LIMD2: variants seen among roughly 807,000 people sequenced by gnomAD.
LIMD2 encodes LIM domain-containing protein 2.
Under a neutral mutation model 16.0 loss-of-function variants are expected in LIMD2, and 11 were observed. That is an observed-to-expected ratio of 0.69 (90% CI 0.43 to 1.14). The LOEUF (loss-of-function observed/expected upper bound fraction) is 1.14, where lower values mean the gene tolerates loss of function less well. Ranked by LOEUF, LIMD2 falls within the 50% of genes most tolerant of loss-of-function variation. The probability of loss-of-function intolerance (pLI) is 0.00; values close to 1 mark genes in which losing one functional copy is unlikely to be tolerated. For synonymous variants in LIMD2, 60 were observed against 67.1 expected (o/e 0.89, Z 0.52); for missense variants, 168 against 165.8 (o/e 1.01, Z -0.07).
At chr17:63,699,476 T>A in intron 1 of LIMD2, 128 bp from the exon 2 acceptor site, 1 of 882,846 alleles carries the variant, frequency 1.1e-6, no homozygotes, top group Non-Finnish European at 1.6e-6. Context: ...CTGTTGCTCT[T>A]GGTCTTGCCA....
chr17:63,699,375 C>T (rs1426383766), intron 1 of LIMD2, 27 bp from the exon 2 acceptor site: 11 of 1,514,128 alleles, frequency 7.3e-6, no homozygotes, highest in Non-Finnish European at 8.8e-6. Flanking sequence ...GTCGGGAGGG[C>T]CCCGCCAGCC....
At position 63,695,922 on chromosome 17, in the gene LIMD2, T is replaced by C. The variant is rs1458231574; in HGVS notation, c.*2630A>G. 1 of 152,516 alleles carries C rather than the reference T, an allele frequency of 6.6e-6. No individual in the cohort carries two copies. Among genetic ancestry groups the C allele is most frequent in the Non-Finnish European group, 1.5e-5 (1 of 68,002 alleles). The allele number at this position is 152,516 out of a possible 1,614,324, so 9.4% of individuals were successfully genotyped here. ...AAGTTGTTGCTTAATTTATTGTTTT[T>C]TAATAACTAATCCAGATAAAAAGTT... On this transcript the variant is annotated 3_prime_UTR_variant, in exon 5 of 5. Transcript: ENST00000259006. The surrounding 1 kb of genome is among the most constrained non-coding windows in gnomAD (Gnocchi z 4.1).
rs969802608 is a variant in LIMD2, at chr17:63,696,419, A to C, written c.*2133T>G. ...AGCCTGGGCCTTTCAAGCAGAAGAGAACTTGACTCCAAGTAGAGGGGTCCT... is the reference window on the plus strand; with the variant it reads ...AGCCTGGGCCTTTCAAGCAGAAGAGCACTTGACTCCAAGTAGAGGGGTCCT... On this transcript the variant is annotated 3_prime_UTR_variant, in exon 5 of 5. Coordinates refer to ENST00000259006, the MANE Select transcript of LIMD2 (RefSeq NM_030576.4). 1 of 152,006 alleles carries C rather than the reference A, an allele frequency of 6.6e-6. No individual in the cohort carries two copies. Among genetic ancestry groups the C allele is most frequent in the Non-Finnish European group, 1.5e-5 (1 of 67,960 alleles). The allele number at this position is 152,006 out of a possible 1,614,324, so 9.4% of individuals were successfully genotyped here. A position where few individuals can be genotyped will look rare whatever the true frequency, so the allele number is the denominator to read the frequency against.
chr17:63,700,355 C>T (rs2035767503), upstream of LIMD2: 2 of 193,608 alleles, frequency 1.0e-5, no homozygotes, highest in Non-Finnish European at 1.9e-5. This position sits in a 1 kb window ranked among gnomAD's most constrained non-coding sequence, Gnocchi z 7.1. Flanking sequence ...CTCGCGCTCG[C>T]AGGCCTCGGG....
In LIMD2 at chr17:63,698,831, G is replaced by GC; in HGVS notation, c.191dup (p.Cys64TrpfsTer34). The GC allele has an allele frequency of 1.2e-6, 2 of 1,612,624 alleles. No homozygotes were observed. The highest frequency in any genetic ancestry group is 1.7e-6 in the Non-Finnish European group (2 of 1,179,870). ...TGGTGTGACAGTGCTTGCAGCAGAA[G>GC]CAAGAGTTGTGGAAAATGAGCTTGT... On this transcript the variant is annotated frameshift_variant, in exon 4 of 5. Coordinates refer to ENST00000259006, the MANE Select transcript of LIMD2 (RefSeq NM_030576.4). LOFTEE classifies it high-confidence loss of function.
At position 63,698,496 on chromosome 17, in the gene LIMD2, C is replaced by T. The variant is rs1289975644; in HGVS notation, c.*56G>A. 3.2e-5 allele frequency: 50 copies of T among 1,584,568 alleles called. No homozygotes were observed. The highest frequency in any genetic ancestry group is 4.2e-5 in the Non-Finnish European group (49 of 1,165,940). ...CAAGCCCAGCTCGACCTCCTTCCCA[C>T]CTTCCCCCTGCCGGCTCCAGGCCTT... On this transcript the variant is annotated 3_prime_UTR_variant, in exon 5 of 5. Transcript: ENST00000259006.
In LIMD2 at chr17:63,699,398, G is replaced by A. The variant is rs1419937361; in HGVS notation, c.-50-50C>T. The A allele has an allele frequency of 1.3e-5, 19 of 1,488,552 alleles. No homozygotes were observed. The East Asian group carries it at 3.3e-4, about 26-fold the overall frequency. 92.2% of individuals were successfully genotyped at this position (1,488,552 alleles called of 1,614,324 possible). A position where few individuals can be genotyped will look rare whatever the true frequency, so the allele number is the denominator to read the frequency against. ...GGCCCCGCCAGCCCGGCCCCAGCCT[G>A]CAGGGTGGGGGGTGTTGACAGGCAG... On this transcript the variant is annotated intron_variant, in intron 1 of 4. Transcript: ENST00000259006.
At chr17:63,699,806 G>GGCCC in intron 1 of LIMD2, 1 of 889,528 alleles carries the variant, frequency 1.1e-6, no homozygotes, top group African/African-American at 1.8e-5. Context: ...CCCCGACCTG[G>GGCCC]CCCCGCGAGG....
intron 1 of LIMD2, 113 bp from the exon 2 acceptor site, chr17:63,699,461 A>C: frequency 1.0e-6 from 1 of 1,003,942 alleles, no homozygotes; most frequent in Non-Finnish European, 1.4e-6. Context: ...TCCCTAAGTC[A>C]TTTCCTGTTG....
rs368744043 is a variant in LIMD2 at position 63,698,648 on chromosome 17, A to G, written c.288T>C (p.Phe96=). Residue 96 remains phenylalanine, a synonymous_variant, in exon 5 of 5, where the codon TTT becomes TTC. Transcript: ENST00000259006. The stretch of plus-strand genomic sequence containing the variant: ...CCTCGTCGTAGTTGCCTTTGCTCTT[A>G]AACAGCTGCTGGAAGTGGGGTTTGC... ...FYCKPHFQQL[F]KSKGNYDEGF... 1.9e-6 allele frequency: 3 copies of G among 1,613,724 alleles called. No individual in the cohort carries two copies. The highest frequency in any genetic ancestry group is 2.7e-5 in the African/African-American group (2 of 74,920).
chr17:63,700,864 C>G (rs1306753411), upstream of LIMD2: 1 of 152,174 alleles, frequency 6.6e-6, no homozygotes, highest in South Asian at 2.1e-4. This position sits in a 1 kb window ranked among gnomAD's most constrained non-coding sequence, Gnocchi z 7.1. Context: ...CTGCGACGGG[C>G]TGGGGAGGCC....
In LIMD2 at chr17:63,696,250, C is replaced by G. The variant is rs2035690439; in HGVS notation, c.*2302G>C. ...TGACTATATCTTGACCGAGGGCTTGCAGTGCAAAGCCAGGCCAGTGTTGCG... is the reference window on the plus strand; with the variant it reads ...TGACTATATCTTGACCGAGGGCTTGGAGTGCAAAGCCAGGCCAGTGTTGCG... On this transcript the variant is annotated 3_prime_UTR_variant, in exon 5 of 5. Coordinates refer to ENST00000259006, the MANE Select transcript of LIMD2 (RefSeq NM_030576.4). The G allele has an allele frequency of 1.3e-5, 2 of 152,746 alleles. No homozygotes were observed. Among genetic ancestry groups the G allele is most frequent in the East Asian group, 3.9e-4 (2 of 5,176 alleles). 9.5% of individuals were successfully genotyped at this position (152,746 alleles called of 1,614,324 possible). A position where few individuals can be genotyped will look rare whatever the true frequency, so the allele number is the denominator to read the frequency against.
intron 1 of LIMD2, chr17:63,699,815 G>C (rs966729181): frequency 1.1e-6 from 1 of 909,104 alleles, no homozygotes. Context: ...GGCCCCGCGA[G>C]GACCGGACCC....
rs1291483296 is a variant in LIMD2, at chr17:63,698,370, C to G, written c.*182G>C. The stretch of plus-strand genomic sequence containing the variant: ...CCAATCCTGGTTTCCAAACCCTCAC[C>G]GGCTGCGGGAGAAGGAAGAAGGAAG... On this transcript the variant is annotated 3_prime_UTR_variant, in exon 5 of 5. Transcript: ENST00000259006. 9 of 734,288 alleles carry G rather than the reference C, an allele frequency of 1.2e-5. No individual in the cohort carries two copies. The highest frequency in any genetic ancestry group is 2.0e-5 in the Non-Finnish European group (9 of 460,484). 45.5% of individuals were successfully genotyped at this position (734,288 alleles called of 1,614,324 possible).
Position 63,698,339 on chromosome 17 carries a change from C to T in LIMD2, c.*213G>A. On this transcript the variant is annotated 3_prime_UTR_variant, in exon 5 of 5. Transcript: ENST00000259006. ...ACGAAGCAGGAAGCAGGGTGGTGGG[C>T]AGACCCCAATCCTGGTTTCCAAACC... 3.2e-6 allele frequency: 2 copies of T among 630,766 alleles called. No homozygotes were observed. The highest frequency in any genetic ancestry group is 5.4e-6 in the Non-Finnish European group (2 of 369,014). The allele number at this position is 630,766 out of a possible 1,614,324, so 39.1% of individuals were successfully genotyped here.
In LIMD2 at chr17:63,698,342, A is replaced by AC; in HGVS notation, c.*209dup. On this transcript the variant is annotated 3_prime_UTR_variant, in exon 5 of 5. Coordinates refer to ENST00000259006, the MANE Select transcript of LIMD2 (RefSeq NM_030576.4). ...AAGCAGGAAGCAGGGTGGTGGGCAGACCCCAATCCTGGTTTCCAAACCCTC... is the reference window on the plus strand; with the variant it reads ...AAGCAGGAAGCAGGGTGGTGGGCAGACCCCCAATCCTGGTTTCCAAACCCTC... 1.6e-6 allele frequency: 1 copy of AC among 632,352 alleles called. No individual in the cohort carries two copies. The highest frequency in any genetic ancestry group is 2.7e-6 in the Non-Finnish European group (1 of 370,414). 39.2% of individuals were successfully genotyped at this position (632,352 alleles called of 1,614,324 possible). A position where few individuals can be genotyped will look rare whatever the true frequency, so the allele number is the denominator to read the frequency against.
At chr17:63,700,202 TC>T, upstream of LIMD2, 1 of 936,432 alleles carries the variant, frequency 1.1e-6, no homozygotes, top group Non-Finnish European at 1.3e-6. The surrounding 1 kb of genome is among the most constrained non-coding windows in gnomAD (Gnocchi z 7.1). Context: ...GCCCATTGGC[TC>T]CGCCGCGCCC....
Position 63,698,944 on chromosome 17 carries a change from C to T in LIMD2, c.85-6G>A. 5.0e-6 allele frequency: 8 copies of T among 1,612,656 alleles called. No homozygotes were observed. Among genetic ancestry groups the T allele is most frequent in the Non-Finnish European group, 5.9e-6 (7 of 1,179,838 alleles). ...TGGGCCCGCAGGCTGAAGGACTGTG[C>T]GGGAAGCTCAGCCAGGTGCTGCCCC... On this transcript the variant is annotated splice_polypyrimidine_tract_variant and splice_region_variant and intron_variant, in intron 3 of 4. Coordinates refer to ENST00000259006, the MANE Select transcript of LIMD2 (RefSeq NM_030576.4).
Position 63,698,460 on chromosome 17 carries a change from T to G in LIMD2, c.*92A>C, listed in dbSNP as rs2035726135. The G allele has an allele frequency of 7.0e-7, 1 of 1,436,954 alleles. No individual in the cohort carries two copies. Among genetic ancestry groups the G allele is most frequent in the African/African-American group, 1.4e-5 (1 of 70,862 alleles). The allele number at this position is 1,436,954 out of a possible 1,614,324, so 89.0% of individuals were successfully genotyped here. A position where few individuals can be genotyped will look rare whatever the true frequency, so the allele number is the denominator to read the frequency against. On this transcript the variant is annotated 3_prime_UTR_variant, in exon 5 of 5. Coordinates refer to ENST00000259006, the MANE Select transcript of LIMD2 (RefSeq NM_030576.4). ...GAGCAAGCCTCATCCCCTTCCCACC[T>G]GGCCCCCACGCAAGCCCAGCTCGAC...
Sources: allele counts gnomAD v4.1 joint callset, GRCh38; gene constraint gnomAD v4.1.1; non-coding constraint Gnocchi (gnomAD v3.1); transcripts MANE v1.5; gene names NCBI Gene and HGNC (gene_info 2026-07-23, HGNC 2026-07-21).